FEZF2: variants seen among roughly 807,000 people sequenced by gnomAD.
The protein encoded by FEZF2 is fez family zinc finger protein 2.
A neutral mutation model predicts 32.8 loss-of-function variants in FEZF2; 2 were observed. That is an observed-to-expected ratio of 0.06 (90% CI 0.02 to 0.19). The LOEUF is 0.19. FEZF2 is among the 10% of genes least tolerant of loss of function. The pLI, the probability that FEZF2 is intolerant of heterozygous loss-of-function variation, is 1.00. For missense variants in FEZF2, 516 were observed against 625.4 expected (o/e 0.83, Z 1.87); for synonymous variants, 322 against 284.8 (o/e 1.13, Z -1.32).
Position 62,372,911 on chromosome 3 carries a change from C to T in FEZF2, c.-43G>A. 2 of 1,356,800 alleles carry T rather than the reference C, an allele frequency of 1.5e-6. No individual in the cohort carries two copies. 84.0% of individuals were successfully genotyped at this position (1,356,800 alleles called of 1,614,324 possible). The stretch of plus-strand genomic sequence containing the variant: ...CGAGCCAGGCTGGGCCAGGGCGCAG[C>T]CTCTCTCCTCTAAGTCTGCATTCCG... On this transcript the variant is annotated 5_prime_UTR_variant, in exon 2 of 5. Transcript: ENST00000283268. This position sits in a 1 kb window ranked among gnomAD's most constrained non-coding sequence, Gnocchi z 9.6.
intron 3 of FEZF2, 89 bp downstream of exon 3, chr3:62,371,444 G>A: frequency 6.3e-7 from 1 of 1,578,266 alleles, no homozygotes; most frequent in African/African-American, 1.3e-5. Context: ...TAGAGGGTAA[G>A]GGATAATCTT....
intron 2 of FEZF2, 95 bp downstream of exon 2, chr3:62,371,922 C>T: frequency 2.0e-6 from 3 of 1,500,454 alleles, no homozygotes; most frequent in Non-Finnish European, 2.7e-6. Flanking sequence ...CTGGGGAGCT[C>T]CTCAGCTTGA....
chr3:62,371,162 C>A (rs199599746), intron 4 of FEZF2, 55 bp downstream of exon 4: 7 of 1,613,454 alleles, frequency 4.3e-6, no homozygotes, highest in South Asian at 1.1e-5. Flanking sequence ...GCCAGCCAGC[C>A]GCGACCCGAG....
chr3:62,369,888 T>A lies in FEZF2; in HGVS notation c.*195A>T. 1.6e-6 allele frequency: 1 copy of A among 616,970 alleles called. No homozygotes were observed. The highest frequency in any genetic ancestry group is 2.5e-5 in the South Asian group (1 of 39,290). The allele number at this position is 616,970 out of a possible 1,614,324, so 38.2% of individuals were successfully genotyped here. ...TGGATTTAAATAAGTTTCCTGAATA[T>A]ACAAAGGTGGGGGCCACGAGTTTGC... On this transcript the variant is annotated 3_prime_UTR_variant, in exon 5 of 5. Transcript: ENST00000283268. The surrounding 1 kb of genome is among the most constrained non-coding windows in gnomAD (Gnocchi z 4.2).
chr3:62,369,989 T>C lies in FEZF2; in HGVS notation c.*94A>G, dbSNP rs1382525015. On this transcript the variant is annotated 3_prime_UTR_variant, in exon 5 of 5. Transcript: ENST00000283268. The surrounding 1 kb of genome is among the most constrained non-coding windows in gnomAD (Gnocchi z 4.2). ...TAAATAGATTTTAGCCTCTCTGCTA[T>C]AGTTTTTTTTTCTTTTAATTTTAGA... is the stretch of plus-strand genomic sequence containing the variant. 16 of 1,282,780 alleles carry C rather than the reference T, an allele frequency of 1.2e-5. No homozygotes were observed. The highest frequency in any genetic ancestry group is 2.6e-5 in the East Asian group (1 of 38,328). 79.5% of individuals were successfully genotyped at this position (1,282,780 alleles called of 1,614,324 possible).
At position 62,372,521 on chromosome 3, in the gene FEZF2, CCCGCCGCCG is replaced by C. The variant is rs753783625; in HGVS notation, c.339_347del (p.Gly115_Gly117del). On this transcript the variant is annotated inframe_deletion, in exon 2 of 5. Coordinates refer to ENST00000283268, the MANE Select transcript of FEZF2 (RefSeq NM_018008.4). This position sits in a 1 kb window ranked among gnomAD's most constrained non-coding sequence, Gnocchi z 9.6. Reference sequence around the variant, plus strand: ...CGCTGGCGCCGCACACTGGGGCCCCCCCGCCGCCGCCGCCGCCACCGCCGCCGCCGCCTC... The same window carrying C: ...CGCTGGCGCCGCACACTGGGGCCCCCCCGCCGCCACCGCCGCCGCCGCCTC... The C allele has an allele frequency of 3.1e-6, 4 of 1,294,780 alleles. No individual in the cohort carries two copies. Among genetic ancestry groups the C allele is most frequent in the South Asian group, 6.3e-5 (2 of 31,508 alleles). 80.2% of individuals were successfully genotyped at this position (1,294,780 alleles called of 1,614,324 possible).
chr3:62,370,378 G>A lies in FEZF2; in HGVS notation c.1121-36C>T, dbSNP rs893990233. Reference sequence around the variant, plus strand: ...TCAAGAACAAAAAACGTGGGGGTATGGAGTAGAATGGTGGGGAGGAAGAGG... The same window carrying A: ...TCAAGAACAAAAAACGTGGGGGTATAGAGTAGAATGGTGGGGAGGAAGAGG... On this transcript the variant is annotated intron_variant, in intron 4 of 4. Transcript: ENST00000283268. This position sits in a 1 kb window ranked among gnomAD's most constrained non-coding sequence, Gnocchi z 4.2. The A allele has an allele frequency of 1.2e-6, 2 of 1,604,380 alleles. No homozygotes were observed. The highest frequency in any genetic ancestry group is 3.4e-5 in the Admixed American group (2 of 59,686).
Position 62,371,208 on chromosome 3 carries a change from G to A in FEZF2, c.1120+9C>T, listed in dbSNP as rs372846968. On this transcript the variant is annotated intron_variant, in intron 4 of 4. Transcript: ENST00000283268. ...AGGTGAGAAGAGAAGGCCTCGCCTGGCACGTTACCTTTTTGGTGAAAGCCT... is the reference window on the plus strand; with the variant it reads ...AGGTGAGAAGAGAAGGCCTCGCCTGACACGTTACCTTTTTGGTGAAAGCCT... 9 of 1,614,104 alleles carry A rather than the reference G, an allele frequency of 5.6e-6. No individual in the cohort carries two copies. In the South Asian group the frequency reaches 7.7e-5, roughly 14 times the overall value.
In FEZF2 at chr3:62,370,831, TC is replaced by T. The variant is rs998621976; in HGVS notation, c.1120+385del. ...CCAGGGGCCAAGGATCATACCGGTT[TC>T]CCCCAATCTTAGATTGTTCCCGGGA... On this transcript the variant is annotated intron_variant, in intron 4 of 4. Transcript: ENST00000283268. This position sits in a 1 kb window ranked among gnomAD's most constrained non-coding sequence, Gnocchi z 4.2. 6.6e-6 allele frequency among the ~76,000 whole-genome samples: 1 copy of T among 152,200 alleles called. No homozygotes were observed. The highest frequency in any genetic ancestry group is 6.5e-5 in the Admixed American group (1 of 15,284).
rs1576275585 is a variant in FEZF2, at chr3:62,372,003, A to G, written c.852+14T>C. The G allele has an allele frequency of 1.9e-6, 3 of 1,599,022 alleles. No homozygotes were observed. Among genetic ancestry groups the G allele is most frequent in the Non-Finnish European group, 2.5e-6 (3 of 1,178,520 alleles). ...CGCCCCTCCCGGCCCCCCTCGCCGA[A>G]CCCTGGGCCTCACCTTGCCGCACAC... On this transcript the variant is annotated intron_variant, in intron 2 of 4. Coordinates refer to ENST00000283268, the MANE Select transcript of FEZF2 (RefSeq NM_018008.4). This position sits in a 1 kb window ranked among gnomAD's most constrained non-coding sequence, Gnocchi z 9.6.
rs1480787558 is a variant in FEZF2, at chr3:62,372,095, G to A, written c.774C>T (p.Gly258=). The A allele has an allele frequency of 2.5e-6, 4 of 1,606,770 alleles. No homozygotes were observed. The highest frequency in any genetic ancestry group is 2.2e-5 in the East Asian group (1 of 44,626). Residue 258 remains glycine (G), a synonymous_variant, in exon 2 of 5, where the codon GGC becomes GGT. Coordinates refer to ENST00000283268, the MANE Select transcript of FEZF2 (RefSeq NM_018008.4). This position sits in a 1 kb window ranked among gnomAD's most constrained non-coding sequence, Gnocchi z 9.6. ...ENSALTAERG[G]VKGHSKLPGG... is the part of the protein sequence containing the mutation. Reference sequence around the variant, plus strand: ...CTGGCAGCTTGCTGTGGCCCTTGACGCCTCCGCGCTCGGCAGTCAGGGCCG... The same window carrying A: ...CTGGCAGCTTGCTGTGGCCCTTGACACCTCCGCGCTCGGCAGTCAGGGCCG...
chr3:62,371,172 G>T, intron 4 of FEZF2, 45 bp downstream of exon 4: 1 of 1,613,876 alleles, frequency 6.2e-7, no homozygotes. Flanking sequence ...CGCGACCCGA[G>T]TCCTGAGGTG....
In FEZF2 at chr3:62,370,605, C is replaced by A. The variant is rs1219967996; in HGVS notation, c.1121-263G>T. 6.6e-6 allele frequency among the ~76,000 whole-genome samples: 1 copy of A among 152,232 alleles called. No homozygotes were observed. The stretch of plus-strand genomic sequence containing the variant: ...ACAGAGGCTGGTGCAGCTTCCCTCC[C>A]GCCGCGCTCCGCGGGCCGGGAAACT... On this transcript the variant is annotated intron_variant, in intron 4 of 4. Coordinates refer to ENST00000283268, the MANE Select transcript of FEZF2 (RefSeq NM_018008.4). This position sits in a 1 kb window ranked among gnomAD's most constrained non-coding sequence, Gnocchi z 4.2.
At position 62,369,769 on chromosome 3, in the gene FEZF2, G is replaced by A; in HGVS notation, c.*314C>T. 1 of 312,502 alleles carries A rather than the reference G, an allele frequency of 3.2e-6. No individual in the cohort carries two copies. Among genetic ancestry groups the A allele is most frequent in the East Asian group, 6.3e-5 (1 of 15,920 alleles). 19.4% of individuals were successfully genotyped at this position (312,502 alleles called of 1,614,324 possible). On this transcript the variant is annotated 3_prime_UTR_variant, in exon 5 of 5. Coordinates refer to ENST00000283268, the MANE Select transcript of FEZF2 (RefSeq NM_018008.4). This position sits in a 1 kb window ranked among gnomAD's most constrained non-coding sequence, Gnocchi z 4.2. ...CTGTATAAAGATGGCTAGGGGCGCC[G>A]CGCTCTTCTGGGGCGCTCACGGTGA...
At chr3:62,371,983 C>T in intron 2 of FEZF2, 34 bp downstream of exon 2, 1 of 1,590,414 alleles carries the variant, frequency 6.3e-7, no homozygotes, top group Non-Finnish European at 8.5e-7. Flanking sequence ...CCGATCGCCC[C>T]TCCCGGCCCC....
In FEZF2 at chr3:62,372,623, C is replaced by T. The variant is rs145556218; in HGVS notation, c.246G>A (p.Glu82=). 2.8e-4 allele frequency: 435 copies of T among 1,567,692 alleles called. 1 individual carries two copies. The highest frequency in any genetic ancestry group is 2.8e-4 in the Non-Finnish European group (319 of 1,154,196). The part of the protein sequence containing the change: ...CMIPLQPLGY[E]VPSKTLLSYS... The stretch of plus-strand genomic sequence containing the variant: ...AACTGAGCAGTGTCTTTGACGGCAC[C>T]TCGTAGCCTAGGGGCTGGAGGGGGA... The change falls in exon 2 of 5, where the codon GAG becomes GAA. Residue 82 remains glutamate (E), a synonymous_variant. Transcript: ENST00000283268. This position sits in a 1 kb window ranked among gnomAD's most constrained non-coding sequence, Gnocchi z 9.6.
At chr3:62,371,707 G>A in intron 2 of FEZF2, 40 bp from the exon 3 acceptor site, 1 of 1,582,460 alleles carries the variant, frequency 6.3e-7, no homozygotes, top group Non-Finnish European at 8.6e-7. Context: ...GCGTCTGTCC[G>A]AGGGCCTACA....
At position 62,371,681 on chromosome 3, in the gene FEZF2, T is replaced by G. The variant is rs1247388279; in HGVS notation, c.853-14A>C. ...AGCGTTAAACACCTATGGAAAGACATGGGGGGCCTTGTGGTGCGTCTGTCC... is the reference window on the plus strand; with the variant it reads ...AGCGTTAAACACCTATGGAAAGACAGGGGGGGCCTTGTGGTGCGTCTGTCC... On this transcript the variant is annotated splice_polypyrimidine_tract_variant and intron_variant, in intron 2 of 4. Transcript: ENST00000283268. 1 of 1,601,070 alleles carries G rather than the reference T, an allele frequency of 6.2e-7. No homozygotes were observed. The highest frequency in any genetic ancestry group is 1.3e-5 in the African/African-American group (1 of 74,792).
rs369521613 is a variant in FEZF2 at position 62,371,380 on chromosome 3, G to A, written c.988-31C>T. 7 of 1,606,112 alleles carry A rather than the reference G, an allele frequency of 4.4e-6. No individual in the cohort carries two copies. The African/African-American group carries it at 8.0e-5, about 18-fold the overall frequency. ...GAAAGGGGCGAGTGCACAGTAAGGA[G>A]AGGCCACCTCGGGAACACCTGGAAG... is the stretch of plus-strand genomic sequence containing the variant. On this transcript the variant is annotated intron_variant, in intron 3 of 4. Transcript: ENST00000283268.
Sources: gnomAD v4.1 joint callset for allele counts (sites outside exome capture counted in the v4.1 genomes callset) on GRCh38, gnomAD v4.1.1 for gene constraint, Gnocchi (gnomAD v3.1) non-coding constraint, MANE v1.5 for transcripts, NCBI Gene and HGNC (gene_info 2026-07-23, HGNC 2026-07-21) for gene names.